HNF4G: variants seen among roughly 807,000 people sequenced by gnomAD.
HNF4G encodes hepatocyte nuclear factor 4 gamma.
HNF4G carries 21 observed loss-of-function variants against 50.9 expected under a neutral mutation model. The ratio of observed to expected loss-of-function variants is 0.41; its 90% CI spans 0.29 to 0.59. The LOEUF is 0.59. HNF4G is among the 20% of genes least tolerant of loss of function. HNF4G has a pLI of 0.26. For synonymous variants in HNF4G, 198 were observed against 185.6 expected (o/e 1.07, Z -0.54); for missense variants, 527 against 559.4 (o/e 0.94, Z 0.58).
chr8:75,488,501 C>T (rs1236012995), intron 1 of HNF4G, among the ~76,000 whole-genome samples: 3 of 151,972 alleles, frequency 2.0e-5, no homozygotes, highest in Admixed American at 2.0e-4. Context: ...TGGTCTTGAA[C>T]TTCTGACCTC....
chr8:75,551,612 T>C, intron 4 of HNF4G, 118 bp downstream of exon 4: 1 of 603,884 alleles, frequency 1.7e-6, no homozygotes, highest in South Asian at 2.2e-5. Flanking sequence ...AAGTTACATC[T>C]ACACACAATT....
intron 1 of HNF4G, among the ~76,000 whole-genome samples, chr8:75,440,771 T>C: frequency 6.6e-6 from 1 of 152,202 alleles, no homozygotes; most frequent in Middle Eastern, 3.2e-3. Context: ...AGGCTTAATT[T>C]TAAATTAAGA....
intron 1 of HNF4G, among the ~76,000 whole-genome samples, chr8:75,427,667 G>A (rs967754642): frequency 4.6e-5 from 7 of 151,910 alleles, no homozygotes; most frequent in African/African-American, 1.7e-4. Flanking sequence ...TTAAGTATTT[G>A]TTGAATGAAT....
chr8:75,542,728 G>A (rs1284599912), intron 1 of HNF4G, among the ~76,000 whole-genome samples: 2 of 151,484 alleles, frequency 1.3e-5, no homozygotes, highest in African/African-American at 2.4e-5. Context: ...AGGGTGACAT[G>A]ATATGAATTA....
intron 1 of HNF4G, among the ~76,000 whole-genome samples, chr8:75,457,218 A>G (rs775228247): frequency 1.1e-4 from 16 of 152,184 alleles, no homozygotes; most frequent in Non-Finnish European, 2.2e-4. Flanking sequence ...GAGGACCCAC[A>G]TACATCAGTT....
chr8:75,502,069 T>C (rs1260862697), intron 2 of HNF4G, among the ~76,000 whole-genome samples: 1 of 152,174 alleles, frequency 6.6e-6, no homozygotes, highest in Non-Finnish European at 1.5e-5. Context: ...GCCAGGATGG[T>C]CTTCATCTCC....
chr8:75,433,816 C>G (rs1585838922), intron 1 of HNF4G, among the ~76,000 whole-genome samples: 1 of 152,144 alleles, frequency 6.6e-6, no homozygotes, highest in South Asian at 2.1e-4. Context: ...ACTGTATCAG[C>G]AATTCTAATA....
chr8:75,532,037 A>G (rs1806341525), intron 2 of HNF4G, among the ~76,000 whole-genome samples: 1 of 152,056 alleles, frequency 6.6e-6, no homozygotes, highest in Non-Finnish European at 1.5e-5. Flanking sequence ...TCTTTCATTT[A>G]TAACTTTTGG....
chr8:75,551,588 C>T, intron 4 of HNF4G, 94 bp downstream of exon 4: 1 of 706,468 alleles, frequency 1.4e-6, no homozygotes, highest in Non-Finnish European at 2.5e-6. Context: ...TTCAAAGGTG[C>T]TCATTACTAA....
intron 2 of HNF4G, among the ~76,000 whole-genome samples, chr8:75,531,964 T>A (rs1422691314): frequency 6.6e-6 from 1 of 152,066 alleles, no homozygotes; most frequent in Non-Finnish European, 1.5e-5. Flanking sequence ...AACACAACTA[T>A]TCTGTTTTTA....
At chr8:75,505,170 A>T (rs949739542) in intron 2 of HNF4G, among the ~76,000 whole-genome samples, 3 of 152,074 alleles carry the variant, frequency 2.0e-5, no homozygotes, top group Non-Finnish European at 4.4e-5. Flanking sequence ...ACAAGTACTG[A>T]TTTTACCCAC....
chr8:75,524,545 A>G (rs1806131601), intron 2 of HNF4G, among the ~76,000 whole-genome samples: 1 of 152,204 alleles, frequency 6.6e-6, no homozygotes, highest in African/African-American at 2.4e-5. Flanking sequence ...AGTAGCCATT[A>G]ATTTGTGTAT....
At chr8:75,545,265 G>GTGTGTGTGTT (rs1202744358) in intron 2 of HNF4G, among the ~76,000 whole-genome samples, 150 of 150,268 alleles carry the variant, frequency 1.0e-3, no homozygotes, top group African/African-American at 3.5e-3. Flanking sequence ...GTGTGTGTGT[G>GTGTGTGTGTT]TGTGTGTAAA....
At chr8:75,430,503 G>GA (rs1554567911) in intron 1 of HNF4G, among the ~76,000 whole-genome samples, 4 of 123,302 alleles carry the variant, frequency 3.2e-5, no homozygotes, top group African/African-American at 1.4e-4. Flanking sequence ...AGAGAGAGAG[G>GA]GAGAGAGAGA....
At chr8:75,517,032 CA>C (rs1276574278) in intron 2 of HNF4G, among the ~76,000 whole-genome samples, 2 of 152,086 alleles carry the variant, frequency 1.3e-5, no homozygotes, top group Admixed American at 6.6e-5. Context: ...AAAGGAGAAG[CA>C]AAGGCACATC....
intron 1 of HNF4G, among the ~76,000 whole-genome samples, chr8:75,488,422 T>C (rs1478262802): frequency 2.0e-5 from 3 of 151,850 alleles, no homozygotes. Flanking sequence ...TACAGGCGTG[T>C]GCCACCATGC....
chr8:75,437,979 T>G (rs747108351), intron 1 of HNF4G, among the ~76,000 whole-genome samples: 1 of 152,188 alleles, frequency 6.6e-6, no homozygotes, highest in Non-Finnish European at 1.5e-5. Flanking sequence ...TTCATATATT[T>G]TATGACTGTA....
intron 1 of HNF4G, among the ~76,000 whole-genome samples, chr8:75,488,828 A>G (rs150958361): frequency 5.8e-4 from 88 of 152,306 alleles, no homozygotes; most frequent in African/African-American, 1.7e-3. Flanking sequence ...TGTCTATTAA[A>G]AAGTATGAAA....
intron 2 of HNF4G, among the ~76,000 whole-genome samples, chr8:75,533,461 A>T (rs964693875): frequency 6.6e-6 from 1 of 152,042 alleles, no homozygotes; most frequent in Admixed American, 6.6e-5. Flanking sequence ...TTGGCCTAAT[A>T]TACAAGTTGG....
Sources: gnomAD v4.1 joint callset for allele counts (sites outside exome capture counted in the v4.1 genomes callset) on GRCh38, gnomAD v4.1.1 for gene constraint, MANE v1.5 for transcripts, NCBI Gene and HGNC (gene_info 2026-07-23, HGNC 2026-07-21) for gene names.